The following GTF3C4 variants were observed in gnomAD, a reference collection of about 807,000 sequenced individuals.
GTF3C4 encodes the protein general transcription factor 3C polypeptide 4.
Under a neutral mutation model 67.5 loss-of-function variants are expected in GTF3C4, and 28 were observed. That is an observed-to-expected ratio of 0.41 (90% CI 0.31 to 0.57). The LOEUF is 0.57. Ranked by LOEUF, GTF3C4 falls within the 20% of genes least tolerant of loss-of-function variation. The pLI is 0.21. For synonymous variants in GTF3C4, 409 were observed against 393.0 expected (o/e 1.04, Z -0.48); for missense variants, 831 against 1,033.2 (o/e 0.80, Z 2.68).
chr9:132,673,417 G>GTT (rs11384706), intron 1 of GTF3C4, among the ~76,000 whole-genome samples: 108 of 149,502 alleles, frequency 7.2e-4, no homozygotes, highest in African/African-American at 1.9e-3. Flanking sequence ...CTGTACTGTT[G>GTT]TTTTTTTTTT....
chr9:132,674,220 A>G (rs1275256617), intron 1 of GTF3C4, among the ~76,000 whole-genome samples: 4 of 152,254 alleles, frequency 2.6e-5, no homozygotes, highest in African/African-American at 9.6e-5. Context: ...TTTTGCACCA[A>G]CCTAATAGTG....
intron 3 of GTF3C4, among the ~76,000 whole-genome samples, chr9:132,685,483 GT>G (rs543973999): frequency 1.3e-5 from 2 of 149,202 alleles, no homozygotes; most frequent in Non-Finnish European, 3.0e-5. Context: ...ATTATAATTT[GT>G]TTTTTTTCCA....
chr9:132,673,177 C>T (rs569028183), intron 1 of GTF3C4, among the ~76,000 whole-genome samples: 1 of 151,446 alleles, frequency 6.6e-6, no homozygotes, highest in African/African-American at 2.4e-5. Context: ...AGCCAGACTC[C>T]GTCTCAAAAA....
rs1835721438 is a variant in GTF3C4, at chr9:132,670,862, G to A, written c.264G>A (p.Val88=). 6.2e-7 allele frequency: 1 copy of A among 1,612,092 alleles called. No individual in the cohort carries two copies. The highest frequency in any genetic ancestry group is 8.5e-7 in the Non-Finnish European group (1 of 1,179,908). ...TGTCCACGGCCCGCAGCATCGCTGT[G>A]CTGGAGCTCATCTGCGACGTGCACA... ...VSVSTARSIA[V]LELICDVHNP... Residue 88 remains valine (V), a synonymous_variant, in exon 1 of 5, where the codon GTG becomes GTA. Transcript: ENST00000372146.
chr9:132,672,495 T>C (rs1434589547), intron 1 of GTF3C4, among the ~76,000 whole-genome samples: 1 of 149,236 alleles, frequency 6.7e-6, no homozygotes, highest in African/African-American at 2.4e-5. Flanking sequence ...CACGTTTAAG[T>C]CATGAACATA....
At chr9:132,676,002 C>T (rs1835859800) in intron 1 of GTF3C4, among the ~76,000 whole-genome samples, 1 of 144,546 alleles carries the variant, frequency 6.9e-6, no homozygotes, top group African/African-American at 2.6e-5. Context: ...GGGTTCATGC[C>T]ATTCTCCTTC....
intron 2 of GTF3C4, among the ~76,000 whole-genome samples, chr9:132,681,567 C>T (rs181847686): frequency 3.9e-5 from 6 of 152,242 alleles, no homozygotes; most frequent in African/African-American, 9.6e-5. Context: ...TCACTCCCCC[C>T]CGAACATTTT....
At chr9:132,681,067 C>T (rs1835935804) in intron 2 of GTF3C4, among the ~76,000 whole-genome samples, 1 of 152,066 alleles carries the variant, frequency 6.6e-6, no homozygotes, top group East Asian at 1.9e-4. Flanking sequence ...GAGATTGTGC[C>T]ATTGCACAAT....
At chr9:132,670,276 C>T (rs763127554), upstream of GTF3C4, 7 of 1,513,386 alleles carry the variant, frequency 4.6e-6, no homozygotes, top group Non-Finnish European at 5.3e-6. Context: ...CCCTTTACCG[C>T]CCCGTGCGTT....
In GTF3C4 at chr9:132,689,087, G is replaced by A. The variant is rs1049504770; in HGVS notation, c.*142G>A. The A allele has an allele frequency of 1.8e-5, 12 of 654,924 alleles. No individual in the cohort carries two copies. The highest frequency in any genetic ancestry group is 3.3e-5 in the Non-Finnish European group (12 of 365,732). 40.6% of individuals were successfully genotyped at this position (654,924 alleles called of 1,614,324 possible). ...CTTGGTGATTGTAAAGAGGGCCCCT[G>A]GAGCTCATTTCTGAATCGCACTCTC... On this transcript the variant is annotated 3_prime_UTR_variant, in exon 5 of 5. Coordinates refer to ENST00000372146, the MANE Select transcript of GTF3C4 (RefSeq NM_012204.4).
intron 1 of GTF3C4, among the ~76,000 whole-genome samples, chr9:132,675,711 G>T (rs968080830): frequency 2.6e-5 from 4 of 152,012 alleles, no homozygotes; most frequent in African/African-American, 7.3e-5. Flanking sequence ...AGCTTGTTTG[G>T]CCATAGAACT....
chr9:132,680,626 T>C (rs1437793323), intron 2 of GTF3C4, among the ~76,000 whole-genome samples: 5 of 152,248 alleles, frequency 3.3e-5, no homozygotes, highest in Admixed American at 3.3e-4. Flanking sequence ...ATTTAAAGTA[T>C]TAATTGAAGG....
Position 132,694,606 on chromosome 9 carries a change from GA to G in GTF3C4, c.*5662del, listed in dbSNP as rs1298443182. 1.3e-5 allele frequency: 2 copies of G among 152,180 alleles called. No homozygotes were observed. The highest frequency in any genetic ancestry group is 4.8e-5 in the African/African-American group (2 of 41,440). The allele number at this position is 152,180 out of a possible 1,614,324, so 9.4% of individuals were successfully genotyped here. ...GGAGAAAATGAAATGGAAATTTGGG[GA>G]GGGTGGTTTGTCAGTATAAGGCCCT... On this transcript the variant is annotated 3_prime_UTR_variant, in exon 5 of 5. Transcript: ENST00000372146.
intron 2 of GTF3C4, 64 bp from the exon 3 acceptor site, chr9:132,683,499 T>G: frequency 7.1e-7 from 1 of 1,418,166 alleles, no homozygotes; most frequent in Non-Finnish European, 9.7e-7. Flanking sequence ...TTTGTGTTTG[T>G]AGGCTTTTTC....
Position 132,679,134 on chromosome 9 carries a change from CA to C in GTF3C4, c.1520del (p.Asn507ThrfsTer31). The C allele has an allele frequency of 6.2e-7, 1 of 1,614,176 alleles. No homozygotes were observed. Among genetic ancestry groups the C allele is most frequent in the East Asian group, 2.2e-5 (1 of 44,888 alleles). The stretch of plus-strand genomic sequence containing the variant: ...TGATCAACGGCCTCCACCCTGTTAA[CA>C]AAAACTACCAGGTCCAATTTGTTAC... ...GMINGLHPVN[K>X]NYQVQFVTLK... On this transcript the variant is annotated frameshift_variant, in exon 2 of 5. Transcript: ENST00000372146. LOFTEE classifies it high-confidence loss of function. This position sits in a 1 kb window ranked among gnomAD's most constrained non-coding sequence, Gnocchi z 5.9.
intron 2 of GTF3C4, among the ~76,000 whole-genome samples, chr9:132,683,025 A>G (rs1835969881): frequency 6.6e-6 from 1 of 152,184 alleles, no homozygotes; most frequent in South Asian, 2.1e-4. Context: ...ATGCCTCTGC[A>G]GTGGGGTCAG....
chr9:132,670,732 C>T lies in GTF3C4; in HGVS notation c.134C>T (p.Ala45Val), dbSNP rs1302791120. 5 of 1,541,516 alleles carry T rather than the reference C, an allele frequency of 3.2e-6. No homozygotes were observed. Among genetic ancestry groups the T allele is most frequent in the Non-Finnish European group, 4.3e-6 (5 of 1,150,590 alleles). ...PAADAAPGPS[A>V]AFRLMVTRRE... ...GCGGACGCGGCCCCGGGGCCCAGCG[C>T]TGCATTCCGCCTCATGGTGACTCGG... Residue 45 changes from alanine (A) to valine (V), a missense_variant, in exon 1 of 5, where the codon GCT becomes GTT. Around this residue, in one of 4 missense-constraint regions of GTF3C4, gnomAD observed 237 missense variants for 212.7 expected, o/e 1.11. Transcript: ENST00000372146.
intron 1 of GTF3C4, among the ~76,000 whole-genome samples, chr9:132,677,069 A>C (rs921306721): frequency 4.6e-5 from 7 of 151,938 alleles, no homozygotes; most frequent in East Asian, 1.9e-4. Context: ...TTGGTCATTT[A>C]TCTCTTCCTC....
At chr9:132,671,679 A>G (rs1590130319) in intron 1 of GTF3C4, among the ~76,000 whole-genome samples, 1 of 151,752 alleles carries the variant, frequency 6.6e-6, no homozygotes, top group African/African-American at 2.4e-5. Flanking sequence ...AAAACTTTCC[A>G]TATATCCTTG....
Sources: allele counts gnomAD v4.1 joint callset (sites outside exome capture counted in the v4.1 genomes callset), GRCh38; gene constraint gnomAD v4.1.1; regional missense constraint gnomAD v4.1.1; non-coding constraint Gnocchi (gnomAD v3.1); transcripts MANE v1.5; gene names NCBI Gene and HGNC (gene_info 2026-07-23, HGNC 2026-07-21).